SLC10A7: variants seen among roughly 807,000 people sequenced by gnomAD.
The protein encoded by SLC10A7 is sodium/bile acid cotransporter 7.
In SLC10A7, 29 loss-of-function variants were observed where a neutral mutation model predicts 43.2. That is an observed-to-expected ratio of 0.67 (90% CI 0.50 to 0.92). The LOEUF is 0.92. Among genes scored for constraint, SLC10A7 ranks in the 40% least tolerant of loss-of-function variants. SLC10A7 has a pLI of 0.00. For synonymous variants in SLC10A7, 152 were observed against 144.8 expected (o/e 1.05, Z -0.35); for missense variants, 295 against 403.2 (o/e 0.73, Z 2.30).
chr4:146,325,576 A>G (rs893525572), intron 6 of SLC10A7, among the ~76,000 whole-genome samples: 2 of 152,166 alleles, frequency 1.3e-5, no homozygotes, highest in African/African-American at 2.4e-5. Flanking sequence ...TTGGAACCCA[A>G]GCTTCCTCTG....
chr4:146,495,465 C>G (rs1244254913), intron 4 of SLC10A7, among the ~76,000 whole-genome samples: 1 of 152,096 alleles, frequency 6.6e-6, no homozygotes, highest in Non-Finnish European at 1.5e-5. Flanking sequence ...TGCAAAATAA[C>G]CCTGAAATGT....
chr4:146,518,391 C>T (rs954104808), intron 1 of SLC10A7, among the ~76,000 whole-genome samples: 2 of 152,100 alleles, frequency 1.3e-5, no homozygotes, highest in Non-Finnish European at 2.9e-5. Flanking sequence ...TATTAAACAT[C>T]TTGGAAGGCA....
At chr4:146,360,228 G>C (rs1290352352) in intron 5 of SLC10A7, among the ~76,000 whole-genome samples, 1 of 81,282 alleles carries the variant, frequency 1.2e-5, no homozygotes, top group Non-Finnish European at 2.2e-5. Context: ...TTTTTCCTCT[G>C]AATCAGTGTA....
At chr4:146,485,292 C>T (rs1489550756) in intron 4 of SLC10A7, among the ~76,000 whole-genome samples, 2 of 152,136 alleles carry the variant, frequency 1.3e-5, no homozygotes, top group Non-Finnish European at 2.9e-5. Context: ...TTTACAACAT[C>T]CAAATAAAGC....
intron 7 of SLC10A7, among the ~76,000 whole-genome samples, chr4:146,303,477 A>G (rs1026596385): frequency 6.6e-5 from 10 of 150,746 alleles, no homozygotes; most frequent in African/African-American, 2.4e-4. Flanking sequence ...TCCCAGGTTC[A>G]AGTGATTCTC....
intron 5 of SLC10A7, among the ~76,000 whole-genome samples, chr4:146,424,614 C>T (rs557854553): frequency 1.3e-5 from 2 of 151,438 alleles, no homozygotes; most frequent in African/African-American, 2.4e-5. Flanking sequence ...GAGCCAAGAT[C>T]GGGCTACTGC....
At chr4:146,510,428 A>C (rs1249018955) in intron 2 of SLC10A7, among the ~76,000 whole-genome samples, 1 of 151,768 alleles carries the variant, frequency 6.6e-6, no homozygotes, top group Non-Finnish European at 1.5e-5. Context: ...ATGCCCTCCT[A>C]ATTTTTGTAT....
At chr4:146,485,504 T>C (rs1049172521) in intron 4 of SLC10A7, among the ~76,000 whole-genome samples, 1 of 152,164 alleles carries the variant, frequency 6.6e-6, no homozygotes, top group Admixed American at 6.5e-5. Flanking sequence ...GGAGTCCCAG[T>C]AGGCCCTGGA....
At chr4:146,342,248 T>C (rs1238314996) in intron 5 of SLC10A7, among the ~76,000 whole-genome samples, 1 of 151,830 alleles carries the variant, frequency 6.6e-6, no homozygotes, top group Non-Finnish European at 1.5e-5. Context: ...TTTTTTAATG[T>C]AGAAGTATTT....
At chr4:146,304,187 C>G (rs1731370687) in intron 7 of SLC10A7, among the ~76,000 whole-genome samples, 1 of 149,308 alleles carries the variant, frequency 6.7e-6, no homozygotes, top group Non-Finnish European at 1.5e-5. Context: ...AAAGTAAACC[C>G]TAAATATTCT....
intron 6 of SLC10A7, among the ~76,000 whole-genome samples, chr4:146,320,568 A>G (rs1303694569): frequency 6.6e-6 from 1 of 152,078 alleles, no homozygotes; most frequent in African/African-American, 2.4e-5. Context: ...GGGCAATAAC[A>G]AAGTGAAGGA....
chr4:146,408,149 T>C (rs1727872343), intron 5 of SLC10A7, among the ~76,000 whole-genome samples: 3 of 152,164 alleles, frequency 2.0e-5, no homozygotes, highest in Non-Finnish European at 4.4e-5. Context: ...CAGGATAGCA[T>C]ATCAGCGGTG....
At position 146,258,792 on chromosome 4, in the gene SLC10A7, G is replaced by A. The variant is rs769441013; in HGVS notation, c.893C>T (p.Ser298Phe). ...GATGAGCAAGGGTACAGATATTAAAGAGAGATGCTCATGGCCTGCAAACAC... is the reference window on the plus strand; with the variant it reads ...GATGAGCAAGGGTACAGATATTAAAAAGAGATGCTCATGGCCTGCAAACAC... ...KIVFAGHEHL[S>F]LISVPLLIYH... The change falls in exon 11 of 12, where the codon TCT (serine) becomes TTT (phenylalanine). Residue 298 changes from serine (S) to phenylalanine (F), a missense_variant. Coordinates refer to ENST00000335472, the MANE Select transcript of SLC10A7 (RefSeq NM_001029998.6). 1.2e-6 allele frequency: 2 copies of A among 1,610,556 alleles called. No individual in the cohort carries two copies. The highest frequency in any genetic ancestry group is 1.7e-5 in the Admixed American group (1 of 58,866).
chr4:146,474,493 A>G (rs1353324848), intron 4 of SLC10A7, among the ~76,000 whole-genome samples: 2 of 152,174 alleles, frequency 1.3e-5, no homozygotes, highest in Admixed American at 6.6e-5. Flanking sequence ...TAAATTCCTT[A>G]AAGAGGTACA....
intron 10 of SLC10A7, among the ~76,000 whole-genome samples, chr4:146,275,151 A>G (rs17021338): frequency 0.013 from 2,013 of 152,294 alleles, 44 homozygotes; most frequent in African/African-American, 0.045. Context: ...TAAAATTCAG[A>G]ATCAGTAGGC....
intron 5 of SLC10A7, among the ~76,000 whole-genome samples, chr4:146,383,340 G>A (rs1333645303): frequency 2.0e-5 from 3 of 152,128 alleles, no homozygotes; most frequent in African/African-American, 4.8e-5. Flanking sequence ...ATCAAAGGGG[G>A]AAAACCGCGG....
chr4:146,320,280 C>G (rs1578873743), intron 6 of SLC10A7, among the ~76,000 whole-genome samples: 1 of 151,998 alleles, frequency 6.6e-6, no homozygotes, highest in East Asian at 1.9e-4. Flanking sequence ...AGTACTTTGC[C>G]AGGCAAATAT....
At chr4:146,413,269 C>T (rs926307354) in intron 5 of SLC10A7, among the ~76,000 whole-genome samples, 2 of 151,996 alleles carry the variant, frequency 1.3e-5, no homozygotes, top group Non-Finnish European at 2.9e-5. Context: ...CATTCAAACA[C>T]ACATCATTAT....
chr4:146,360,356 G>A (rs1047847989), intron 5 of SLC10A7, among the ~76,000 whole-genome samples: 2 of 152,106 alleles, frequency 1.3e-5, no homozygotes, highest in East Asian at 1.9e-4. Flanking sequence ...CTTACTCTGT[G>A]CTTGATTCTT....
Sources: allele counts gnomAD v4.1 joint callset (sites outside exome capture counted in the v4.1 genomes callset), GRCh38; gene constraint gnomAD v4.1.1; transcripts MANE v1.5; gene names NCBI Gene and HGNC (gene_info 2026-07-23, HGNC 2026-07-21).